Variants in LCT observed in about 807,000 individuals in gnomAD.
LCT encodes lactase, also known as lactase/phlorizin hydrolase.
A neutral mutation model predicts 173.0 loss-of-function variants in LCT; 90 were observed. That is an observed-to-expected ratio of 0.52 (90% CI 0.44 to 0.62). The LOEUF (loss-of-function observed/expected upper bound fraction) is 0.62. Among genes scored for constraint, LCT ranks in the 20% least tolerant of loss-of-function variants. The pLI is 0.00. For synonymous variants in LCT, 853 were observed against 957.6 expected (o/e 0.89, Z 2.02); for missense variants, 1,864 against 2,431.4 (o/e 0.77, Z 4.91).
intron 13 of LCT, among the ~76,000 whole-genome samples, chr2:135,796,557 C>T (rs1003429990): frequency 2.0e-5 from 3 of 152,180 alleles, no homozygotes; most frequent in African/African-American, 7.2e-5. Flanking sequence ...ACCTGCAATC[C>T]CCCACATTCT....
chr2:135,829,954 T>C (rs1332994042), intron 2 of LCT, among the ~76,000 whole-genome samples: 2 of 151,962 alleles, frequency 1.3e-5, no homozygotes, highest in African/African-American at 4.8e-5. Context: ...AAGCACGCAG[T>C]GTTGATGGCT....
chr2:135,795,958 A>T (rs2077578581), intron 13 of LCT, among the ~76,000 whole-genome samples: 1 of 151,998 alleles, frequency 6.6e-6, no homozygotes, highest in South Asian at 2.1e-4. Flanking sequence ...ACAAAGTCTC[A>T]CTATATTGCC....
intron 9 of LCT, among the ~76,000 whole-genome samples, chr2:135,806,257 A>G (rs2077670231): frequency 6.6e-6 from 1 of 152,184 alleles, no homozygotes; most frequent in South Asian, 2.1e-4. Flanking sequence ...GATTGCAGGC[A>G]TGAGCCACCA....
intron 12 of LCT, among the ~76,000 whole-genome samples, chr2:135,798,520 C>T (rs988617716): frequency 5.3e-5 from 8 of 152,178 alleles, no homozygotes; most frequent in East Asian, 1.9e-4. Flanking sequence ...CACCACTGAG[C>T]GGCTGCACTT....
Position 135,836,791 on chromosome 2 carries a change from G to C in LCT, c.379C>G (p.Pro127Ala). Residue 127 changes from proline to alanine, a missense_variant, in exon 1 of 17, where the codon CCC becomes GCC. This residue lies in a region of LCT where 412 missense variants were observed against 462.0 expected (regional missense o/e 0.89). Transcript: ENST00000264162. ...LKALKTARLQPMVILHHQTLP... is the reference protein window; with the variant it reads ...LKALKTARLQAMVILHHQTLP... ...GTCTGGTGGTGCAGGATGACCATGG[G>C]CTGAAGCCGTGCAGTCTTGAGGGCC... The C allele has an allele frequency of 6.2e-7, 1 of 1,614,184 alleles. No homozygotes were observed. Among genetic ancestry groups the C allele is most frequent in the Non-Finnish European group, 8.5e-7 (1 of 1,180,026 alleles).
intron 7 of LCT, among the ~76,000 whole-genome samples, chr2:135,811,104 G>A (rs759329228): frequency 6.6e-6 from 1 of 152,080 alleles, no homozygotes; most frequent in Non-Finnish European, 1.5e-5. Flanking sequence ...CACTTGGGAG[G>A]CTGAGGTGGG....
At chr2:135,807,820 T>G (rs1278439038) in intron 8 of LCT, among the ~76,000 whole-genome samples, 1 of 129,888 alleles carries the variant, frequency 7.7e-6, no homozygotes, top group Non-Finnish European at 1.6e-5. Context: ...AAAAAAAAAA[T>G]CAATGAAACA....
chr2:135,831,430 G>A (rs1280380258), intron 2 of LCT, among the ~76,000 whole-genome samples: 1 of 152,112 alleles, frequency 6.6e-6, no homozygotes, highest in Non-Finnish European at 1.5e-5. Flanking sequence ...AGGGTCCTGT[G>A]GGATTCGTCC....
chr2:135,787,904 C>T lies in LCT; in HGVS notation c.*420G>A. 1 of 196,220 alleles carries T rather than the reference C, an allele frequency of 5.1e-6. No homozygotes were observed. Among genetic ancestry groups the T allele is most frequent in the Admixed American group, 5.3e-5 (1 of 18,824 alleles). The allele number at this position is 196,220 out of a possible 1,614,324, so 12.2% of individuals were successfully genotyped here. ...ACACAAGATGTGAAGCTAGGGAGAG[C>T]TTGCAGAAGGGCAGGAGATGATATT... On this transcript the variant is annotated 3_prime_UTR_variant, in exon 17 of 17. Coordinates refer to ENST00000264162, the MANE Select transcript of LCT (RefSeq NM_002299.4).
intron 3 of LCT, 40 bp from the exon 4 acceptor site, chr2:135,824,043 T>C: frequency 1.5e-6 from 2 of 1,327,372 alleles, no homozygotes; most frequent in Non-Finnish European, 2.2e-6. Context: ...TGAAGCCTCC[T>C]GGAAAGCATC....
intron 11 of LCT, among the ~76,000 whole-genome samples, chr2:135,803,700 C>T (rs897698201): frequency 1.3e-5 from 2 of 152,118 alleles, no homozygotes; most frequent in Admixed American, 6.5e-5. Context: ...CACCTGAGGC[C>T]GATCAGAGTC....
chr2:135,791,022 C>G, intron 14 of LCT, 141 bp from the exon 15 acceptor site: 1 of 713,016 alleles, frequency 1.4e-6, no homozygotes, highest in South Asian at 1.6e-5. Flanking sequence ...CCAGAAGAAT[C>G]AAATTGCCTC....
rs892717 is a variant in LCT, at chr2:135,790,546, G to C, written c.5335+112C>G. The C allele has an allele frequency of 0.99, 710,243 of 719,340 alleles. 350,911 individuals are homozygous for C. Among genetic ancestry groups the C allele is most frequent in the Non-Finnish European group, 1 (409,703 of 409,792 alleles). 44.6% of individuals were successfully genotyped at this position (719,340 alleles called of 1,614,324 possible). On this transcript the variant is annotated intron_variant, in intron 15 of 16. Coordinates refer to ENST00000264162, the MANE Select transcript of LCT (RefSeq NM_002299.4). This position sits in a 1 kb window ranked among gnomAD's most constrained non-coding sequence, Gnocchi z 4.1. The stretch of plus-strand genomic sequence containing the variant: ...GCTTAACCCCCACAGGAGCAAGAAG[G>C]CTTATCGTTCTCTTCTTACTGTGGC...
intron 6 of LCT, among the ~76,000 whole-genome samples, chr2:135,814,273 T>G (rs950358166): frequency 6.6e-6 from 1 of 152,212 alleles, no homozygotes; most frequent in Non-Finnish European, 1.5e-5. Flanking sequence ...TAAACTCGAA[T>G]GGCAAACTGT....
intron 14 of LCT, among the ~76,000 whole-genome samples, chr2:135,792,156 C>T (rs185956771): frequency 1.2e-4 from 18 of 152,270 alleles, no homozygotes; most frequent in African/African-American, 3.9e-4. Context: ...AAGGATTTAA[C>T]CTTACCTAGA....
chr2:135,791,797 A>C lies in LCT; in HGVS notation c.5112-916T>G, dbSNP rs2077534986. Among the ~76,000 whole-genome samples, 4 of 152,188 alleles carry C rather than the reference A, an allele frequency of 2.6e-5. No homozygotes were observed. In the South Asian group the frequency reaches 8.3e-4, roughly 32 times the overall value. On this transcript the variant is annotated intron_variant, in intron 14 of 16. Transcript: ENST00000264162. Reference sequence around the variant, plus strand: ...GAGTGGAGGGGCTGGTTTTCAAAGAAAGAACCTGGACACAGTCAGAGCTAC... The same window carrying C: ...GAGTGGAGGGGCTGGTTTTCAAAGACAGAACCTGGACACAGTCAGAGCTAC...
Position 135,807,356 on chromosome 2 carries a change from G to A in LCT, c.3945C>T (p.Ala1315=). 1 of 1,614,128 alleles carries A rather than the reference G, an allele frequency of 6.2e-7. No individual in the cohort carries two copies. Among genetic ancestry groups the A allele is most frequent in the Admixed American group, 1.7e-5 (1 of 60,018 alleles). Residue 1315 remains alanine (A), a synonymous_variant, in exon 9 of 17, where the codon GCC becomes GCT. Coordinates refer to ENST00000264162, the MANE Select transcript of LCT (RefSeq NM_002299.4). ...LDGIDLRGYV[A]WSLMDNFEWL... ...ACTCAAAGTTGTCCATCAGAGACCAGGCGACATACCCTCGAAGGTCTATAC... is the reference window on the plus strand; with the variant it reads ...ACTCAAAGTTGTCCATCAGAGACCAAGCGACATACCCTCGAAGGTCTATAC...
At chr2:135,831,308 C>T (rs924507972) in intron 2 of LCT, among the ~76,000 whole-genome samples, 5 of 152,110 alleles carry the variant, frequency 3.3e-5, no homozygotes, top group South Asian at 2.1e-4. Context: ...ACAGGAAGGA[C>T]GTCCAGTAGG....
chr2:135,814,042 T>C (rs1181274167), intron 6 of LCT, among the ~76,000 whole-genome samples: 4 of 152,234 alleles, frequency 2.6e-5, no homozygotes, highest in South Asian at 2.1e-4. Context: ...TGGGTAATTA[T>C]GGATCCATCT....
Sources: gnomAD v4.1 joint callset for allele counts (sites outside exome capture counted in the v4.1 genomes callset) on GRCh38, gnomAD v4.1.1 for gene constraint, gnomAD v4.1.1 regional missense constraint, Gnocchi (gnomAD v3.1) non-coding constraint, MANE v1.5 for transcripts, NCBI Gene and HGNC (gene_info 2026-07-23, HGNC 2026-07-21) for gene names.